FGGY: variants seen among roughly 807,000 people sequenced by gnomAD.
The protein encoded by FGGY is FGGY carbohydrate kinase domain containing.
FGGY carries 72 observed loss-of-function variants against 71.3 expected under a neutral mutation model. The ratio of observed to expected loss-of-function variants is 1.01; its 90% confidence interval spans 0.84 to 1.23. FGGY has a LOEUF of 1.23. Ranked by LOEUF, FGGY falls within the 50% of genes most tolerant of loss-of-function variation. The pLI, the probability that FGGY is intolerant of heterozygous loss-of-function variation, is 0.00. For missense variants in FGGY, 668 were observed against 682.3 expected (o/e 0.98, Z 0.23); for synonymous variants, 251 against 250.3 (o/e 1.00, Z -0.02).
intron 14 of FGGY, among the ~76,000 whole-genome samples, chr1:59,712,294 C>T (rs561020844): frequency 1.5e-4 from 23 of 152,290 alleles, no homozygotes; most frequent in East Asian, 5.8e-4. Flanking sequence ...TGGTTTTGCA[C>T]GGTACGACCT....
intron 5 of FGGY, among the ~76,000 whole-genome samples, chr1:59,426,744 C>T (rs2066435224): frequency 6.6e-6 from 1 of 152,044 alleles, no homozygotes; most frequent in South Asian, 2.1e-4. Context: ...TGCCTGCTTG[C>T]TCCGCAATCC....
intron 5 of FGGY, among the ~76,000 whole-genome samples, chr1:59,437,244 T>TAAACA: frequency 6.6e-6 from 1 of 152,326 alleles, no homozygotes; most frequent in African/African-American, 2.4e-5. Flanking sequence ...GGTTGGGTGT[T>TAAACA]CTGCTAGATT....
In FGGY at chr1:59,587,170, A is replaced by G. The variant is rs1571696202; in HGVS notation, c.904-20633A>G. Reference sequence around the variant, plus strand: ...CCGCACCTGGCTTGGAGGGTCCTGCACCCACGGAGTCTCACTGATTGCTAG... The same window carrying G: ...CCGCACCTGGCTTGGAGGGTCCTGCGCCCACGGAGTCTCACTGATTGCTAG... On this transcript the variant is annotated intron_variant, in intron 8 of 15. Coordinates refer to ENST00000303721, the MANE Select transcript of FGGY (RefSeq NM_018291.5). Among the ~76,000 whole-genome samples the G allele has an allele frequency of 2.0e-5, 3 of 152,158 alleles. No individual in the cohort carries two copies. The East Asian group carries it at 5.8e-4, about 29-fold the overall frequency.
At chr1:59,539,113 G>A (rs1194686845) in intron 7 of FGGY, among the ~76,000 whole-genome samples, 1 of 152,130 alleles carries the variant, frequency 6.6e-6, no homozygotes, top group Non-Finnish European at 1.5e-5. Flanking sequence ...AACATTGAGA[G>A]TAACTAAAGA....
chr1:59,612,926 C>T (rs1572095140), intron 9 of FGGY, among the ~76,000 whole-genome samples: 1 of 152,274 alleles, frequency 6.6e-6, no homozygotes, highest in East Asian at 1.9e-4. Context: ...GTAAAGGGAT[C>T]AATTCAACAA....
intron 4 of FGGY, among the ~76,000 whole-genome samples, chr1:59,361,685 A>G (rs574654033): frequency 2.0e-5 from 3 of 152,258 alleles, no homozygotes; most frequent in African/African-American, 7.2e-5. Flanking sequence ...CCTAGCCACA[A>G]TCAGAGAAAG....
intron 2 of FGGY, 122 bp downstream of exon 2, chr1:59,321,872 C>T: frequency 1.1e-6 from 1 of 940,306 alleles, no homozygotes; most frequent in Non-Finnish European, 1.6e-6. Flanking sequence ...AAGACATAGG[C>T]CTTGCCCTTC....
chr1:59,396,449 A>G (rs955170968), intron 5 of FGGY, among the ~76,000 whole-genome samples: 47 of 152,156 alleles, frequency 3.1e-4, no homozygotes, highest in African/African-American at 1.0e-3. Flanking sequence ...TAAAAAATAT[A>G]GTACCTCCTC....
chr1:59,304,953 G>A (rs2043235652), intron 1 of FGGY, among the ~76,000 whole-genome samples: 1 of 152,066 alleles, frequency 6.6e-6, no homozygotes, highest in Non-Finnish European at 1.5e-5. Context: ...AGTTCTAACA[G>A]TTTTTTGGAG....
At chr1:59,400,897 A>G (rs935435680) in intron 5 of FGGY, among the ~76,000 whole-genome samples, 2 of 151,978 alleles carry the variant, frequency 1.3e-5, no homozygotes, top group South Asian at 2.1e-4. Flanking sequence ...TCAGCCTCTC[A>G]GAGTGCTTGG....
intron 8 of FGGY, among the ~76,000 whole-genome samples, chr1:59,578,762 A>C (rs1357096381): frequency 6.6e-6 from 1 of 152,170 alleles, no homozygotes; most frequent in East Asian, 1.9e-4. Flanking sequence ...TAATGGTACT[A>C]CAGATCCTTC....
intron 5 of FGGY, among the ~76,000 whole-genome samples, chr1:59,398,098 G>A (rs2061532272): frequency 6.6e-6 from 1 of 152,088 alleles, no homozygotes; most frequent in South Asian, 2.1e-4. Flanking sequence ...TTATAGATGG[G>A]TTGAGTCTGT....
intron 7 of FGGY, among the ~76,000 whole-genome samples, chr1:59,525,400 C>T (rs979518707): frequency 7.2e-5 from 11 of 152,160 alleles, no homozygotes; most frequent in South Asian, 6.2e-4. Context: ...CAGAGGTTTC[C>T]GGCTGGCAAA....
chr1:59,582,850 ATCAC>A (rs1348569522), intron 8 of FGGY, among the ~76,000 whole-genome samples: 1 of 150,282 alleles, frequency 6.7e-6, no homozygotes, highest in Non-Finnish European at 1.5e-5. Context: ...GAAAGAAATA[ATCAC>A]TCACTTGGAT....
chr1:59,549,223 T>C (rs1006723185), intron 7 of FGGY, among the ~76,000 whole-genome samples: 3 of 152,172 alleles, frequency 2.0e-5, no homozygotes, highest in African/African-American at 7.2e-5. Context: ...CTCCAGGAAC[T>C]CCAGAAACCT....
chr1:59,758,420 G>A (rs1461373784), intron 15 of FGGY, among the ~76,000 whole-genome samples: 1 of 152,194 alleles, frequency 6.6e-6, no homozygotes, highest in Non-Finnish European at 1.5e-5. Context: ...CTGAATTCCT[G>A]CTATATTCAA....
intron 8 of FGGY, among the ~76,000 whole-genome samples, chr1:59,594,268 T>C (rs2153798517): frequency 6.6e-6 from 1 of 152,272 alleles, no homozygotes; most frequent in African/African-American, 2.4e-5. Flanking sequence ...CTCAGAAACA[T>C]GTAGATTAAA....
At chr1:59,410,919 C>A (rs2063515315) in intron 5 of FGGY, among the ~76,000 whole-genome samples, 1 of 152,184 alleles carries the variant, frequency 6.6e-6, no homozygotes, top group South Asian at 2.1e-4. Flanking sequence ...ATTTTAGTTA[C>A]TATGGGAACC....
intron 2 of FGGY, among the ~76,000 whole-genome samples, chr1:59,339,429 T>A (rs2153197490): frequency 6.6e-6 from 1 of 152,190 alleles, no homozygotes; most frequent in Admixed American, 6.5e-5. Flanking sequence ...GGTGACTTTT[T>A]ATTCCTTTGC....
Sources: gnomAD v4.1 joint callset for allele counts (sites outside exome capture counted in the v4.1 genomes callset) on GRCh38, gnomAD v4.1.1 for gene constraint, MANE v1.5 for transcripts, NCBI Gene and HGNC (gene_info 2026-07-23, HGNC 2026-07-21) for gene names.